The following RBFOX1 variants were observed in gnomAD, a reference collection of about 807,000 sequenced individuals.
The protein encoded by RBFOX1 is RNA binding fox-1 homolog 1.
A neutral mutation model predicts 57.7 loss-of-function variants in RBFOX1; 8 were observed. The ratio of observed to expected loss-of-function variants is 0.14; its 90% CI spans 0.08 to 0.25. The LOEUF (loss-of-function observed/expected upper bound fraction) is 0.25. Among genes scored for constraint, RBFOX1 ranks in the 10% least tolerant of loss-of-function variants. RBFOX1 has a pLI of 1.00. For missense variants in RBFOX1, 611 were observed against 548.5 expected, an observed-to-expected ratio of 1.11 and a Z score of -1.14; for synonymous variants, 326 against 222.4, an observed-to-expected ratio of 1.47 and a Z score of -4.15.
chr16:6,403,714 G>A (rs2093169359), intron 2 of RBFOX1, among the ~76,000 whole-genome samples: 1 of 152,164 alleles, frequency 6.6e-6, no homozygotes, highest in Non-Finnish European at 1.5e-5. Flanking sequence ...AAGTGCATCT[G>A]GAGAGGACAC....
intron 3 of RBFOX1, among the ~76,000 whole-genome samples, chr16:6,807,444 G>T (rs745685847): frequency 6.6e-6 from 1 of 152,128 alleles, no homozygotes. Context: ...AAATGCTGGA[G>T]GAATGTTGGA....
chr16:6,805,242 C>T (rs892835786), intron 3 of RBFOX1, among the ~76,000 whole-genome samples: 1 of 152,154 alleles, frequency 6.6e-6, no homozygotes, highest in African/African-American at 2.4e-5. Context: ...TTTGCAGGAA[C>T]ATGGATGGAG....
intron 3 of RBFOX1, among the ~76,000 whole-genome samples, chr16:5,693,205 A>C (rs904376047): frequency 6.6e-6 from 1 of 152,080 alleles, no homozygotes; most frequent in Non-Finnish European, 1.5e-5. Flanking sequence ...TCTCCTGCCC[A>C]TGGGCCCTTT....
At chr16:7,177,071 C>A (rs1227477763) in intron 4 of RBFOX1, among the ~76,000 whole-genome samples, 4 of 152,144 alleles carry the variant, frequency 2.6e-5, no homozygotes, top group Non-Finnish European at 4.4e-5. Context: ...TCAGACATTG[C>A]CTGTCATAAA....
chr16:7,276,949 G>A (rs143959477), intron 4 of RBFOX1, among the ~76,000 whole-genome samples: 4 of 152,120 alleles, frequency 2.6e-5, no homozygotes, highest in Non-Finnish European at 5.9e-5. Context: ...TAGTTTGTGA[G>A]GCAATATAAT....
intron 4 of RBFOX1, among the ~76,000 whole-genome samples, chr16:7,298,502 G>A (rs1185743425): frequency 1.3e-5 from 2 of 151,966 alleles, no homozygotes; most frequent in Non-Finnish European, 2.9e-5. Context: ...ATCTTGGCCA[G>A]TCTCATCTTG....
chr16:5,435,623 T>C (rs956114496), intron 1 of RBFOX1, among the ~76,000 whole-genome samples: 9 of 152,144 alleles, frequency 5.9e-5, no homozygotes, highest in Non-Finnish European at 1.2e-4. Context: ...TCTGTCTAGT[T>C]CTTGCGTCAC....
chr16:7,161,175 G>C (rs2078249006), intron 4 of RBFOX1, among the ~76,000 whole-genome samples: 1 of 152,140 alleles, frequency 6.6e-6, no homozygotes, highest in Non-Finnish European at 1.5e-5. Context: ...GTGATTGGAA[G>C]TGGCTATCTG....
Position 5,465,345 on chromosome 16 carries a change from C to G in RBFOX1, c.220-1871C>G, listed in dbSNP as rs548890183. Among the ~76,000 whole-genome samples the G allele has an allele frequency of 2.0e-5, 3 of 151,854 alleles. No homozygotes were observed. The South Asian group carries it at 6.2e-4, about 32-fold the overall frequency. On this transcript the variant is annotated intron_variant, in intron 1 of 2. Transcript: ENST00000585867. ...GACAGAAGTCAGACTGGATCAGGGC[C>G]CAGTCTAACAGCCTCATTTTAATTT...
At chr16:5,911,635 A>G (rs11862936) in intron 4 of RBFOX1, among the ~76,000 whole-genome samples, 41,642 of 152,096 alleles carry the variant, frequency 0.27, 6,482 homozygotes, top group East Asian at 0.5. Context: ...ATGTAACAAA[A>G]TACCATGAAC....
intron 4 of RBFOX1, among the ~76,000 whole-genome samples, chr16:5,903,999 A>C (rs1033708587): frequency 6.6e-6 from 1 of 152,144 alleles, no homozygotes; most frequent in Non-Finnish European, 1.5e-5. Context: ...AATAGAATGG[A>C]GATGAATGTA....
intron 1 of RBFOX1, among the ~76,000 whole-genome samples, chr16:6,105,058 G>A (rs1312414024): frequency 2.6e-5 from 4 of 152,134 alleles, no homozygotes; most frequent in Non-Finnish European, 5.9e-5. Flanking sequence ...GTCTACCAAG[G>A]GAAGAAATTC....
intron 4 of RBFOX1, among the ~76,000 whole-genome samples, chr16:7,438,831 C>G (rs944884789): frequency 3.9e-5 from 6 of 152,136 alleles, no homozygotes; most frequent in Admixed American, 3.9e-4. Flanking sequence ...GACTTTCAAC[C>G]ACGCCAAGCA....
chr16:5,972,216 C>G (rs184267823), intron 4 of RBFOX1, among the ~76,000 whole-genome samples: 43 of 151,890 alleles, frequency 2.8e-4, no homozygotes, highest in Admixed American at 1.5e-3. Context: ...CACACACACA[C>G]CCTCCCTCCC....
At chr16:6,180,920 A>C (rs1172104176) in intron 1 of RBFOX1, among the ~76,000 whole-genome samples, 1 of 152,140 alleles carries the variant, frequency 6.6e-6, no homozygotes, top group East Asian at 1.9e-4. Flanking sequence ...ATATAGCTTA[A>C]AGACCAGCCA....
intron 4 of RBFOX1, among the ~76,000 whole-genome samples, chr16:7,269,258 C>A (rs1415186803): frequency 6.6e-6 from 1 of 152,068 alleles, no homozygotes; most frequent in East Asian, 1.9e-4. Flanking sequence ...GACATAGACA[C>A]ATACACACAC....
chr16:7,231,872 C>G (rs1242335692), intron 4 of RBFOX1, among the ~76,000 whole-genome samples: 1 of 152,100 alleles, frequency 6.6e-6, no homozygotes, highest in African/African-American at 2.4e-5. Context: ...CAACAGAAAG[C>G]AGATTGGTGG....
chr16:6,802,376 G>C (rs1178534386), intron 3 of RBFOX1, among the ~76,000 whole-genome samples: 1 of 152,128 alleles, frequency 6.6e-6, no homozygotes, highest in East Asian at 1.9e-4. Context: ...AACAGTTAAT[G>C]TTAGAAAGTC....
At chr16:7,132,351 A>G (rs1191551333) in intron 4 of RBFOX1, among the ~76,000 whole-genome samples, 2 of 151,864 alleles carry the variant, frequency 1.3e-5, no homozygotes, top group African/African-American at 2.4e-5. Flanking sequence ...TGTTCACTGC[A>G]GCATTATTTA....
Sources: allele counts gnomAD v4.1 joint callset (sites outside exome capture counted in the v4.1 genomes callset), GRCh38; gene constraint gnomAD v4.1.1; transcripts MANE v1.5; gene names NCBI Gene and HGNC (gene_info 2026-07-23, HGNC 2026-07-21).